Variants in EIF4G3 observed in about 807,000 individuals in gnomAD.
EIF4G3 encodes eukaryotic translation initiation factor 4 gamma 3.
Under a neutral mutation model 186.4 loss-of-function variants are expected in EIF4G3, and 34 were observed. The ratio of observed to expected loss-of-function variants is 0.18; its 90% CI spans 0.14 to 0.24. The LOEUF (loss-of-function observed/expected upper bound fraction) is 0.24. EIF4G3 is among the 10% of genes least tolerant of loss of function. EIF4G3 has a pLI of 1.00. For synonymous variants in EIF4G3, 673 were observed against 679.5 expected, an observed-to-expected ratio of 0.99 and a Z score of 0.15; for missense variants, 1,536 against 1,948.5, an observed-to-expected ratio of 0.79 and a Z score of 3.99.
chr1:20,838,685 CTTT>C (rs532593245), intron 30 of EIF4G3, among the ~76,000 whole-genome samples: 1 of 150,298 alleles, frequency 6.7e-6, no homozygotes, highest in Non-Finnish European at 1.5e-5. Flanking sequence ...TGAAAGAAAA[CTTT>C]TTTTTTTCCC....
chr1:20,839,866 A>T (rs192898388), intron 30 of EIF4G3, among the ~76,000 whole-genome samples: 2 of 126,884 alleles, frequency 1.6e-5, no homozygotes, highest in East Asian at 4.8e-4. Flanking sequence ...ATACAGTGGC[A>T]TTTAATCATA....
intron 3 of EIF4G3, among the ~76,000 whole-genome samples, chr1:21,082,621 G>A (rs141045378): frequency 2.4e-4 from 37 of 151,984 alleles, no homozygotes; most frequent in African/African-American, 8.7e-4. Context: ...AGGGGAAACC[G>A]GCAGGATGCA....
chr1:20,921,333 T>G (rs2094481930), intron 14 of EIF4G3, among the ~76,000 whole-genome samples: 1 of 152,220 alleles, frequency 6.6e-6, no homozygotes, highest in South Asian at 2.1e-4. Context: ...AAGGTAATTG[T>G]GCTATTGATG....
chr1:21,011,340 T>C (rs776764814), intron 4 of EIF4G3, among the ~76,000 whole-genome samples: 2 of 152,184 alleles, frequency 1.3e-5, no homozygotes, highest in African/African-American at 2.4e-5. Context: ...AATGTATCAC[T>C]TTTTAAGTTG....
At chr1:21,162,932 T>C (rs1334027657) in intron 2 of EIF4G3, among the ~76,000 whole-genome samples, 3 of 152,144 alleles carry the variant, frequency 2.0e-5, no homozygotes, top group Non-Finnish European at 2.9e-5. Context: ...ATGAACTTTA[T>C]GGTTAGGCAA....
At chr1:21,082,790 G>C (rs1274082515) in intron 3 of EIF4G3, among the ~76,000 whole-genome samples, 1 of 151,908 alleles carries the variant, frequency 6.6e-6, no homozygotes, top group Non-Finnish European at 1.5e-5. Flanking sequence ...TGTAATCCTA[G>C]CACTTTGGGA....
chr1:21,176,581 GCCGCCGCCGCCT>G (rs1277710024), intron 1 of EIF4G3, 129 bp downstream of exon 1: 16 of 161,432 alleles, frequency 9.9e-5, no homozygotes, highest in East Asian at 3.6e-4. Flanking sequence ...CGCCGCCGCC[GCCGCCGCCGCCT>G]CCGCCGCCGC....
intron 20 of EIF4G3, among the ~76,000 whole-genome samples, chr1:20,871,359 G>A (rs967165147): frequency 1.4e-4 from 21 of 152,078 alleles, no homozygotes; most frequent in Admixed American, 1.1e-3. Context: ...GTGCACTATA[G>A]AAAGCTCAGC....
intron 4 of EIF4G3, among the ~76,000 whole-genome samples, chr1:21,035,244 C>A (rs2154572242): frequency 6.6e-6 from 1 of 152,340 alleles, no homozygotes; most frequent in Middle Eastern, 3.4e-3. Context: ...GGCCACCATG[C>A]CACCTGCACC....
At chr1:21,152,091 T>C (rs1362490355) in intron 2 of EIF4G3, among the ~76,000 whole-genome samples, 1 of 152,176 alleles carries the variant, frequency 6.6e-6, no homozygotes, top group Admixed American at 6.5e-5. Context: ...GAAGAAGTTC[T>C]AAAGACTCCC....
chr1:21,006,319 G>T (rs12130664), intron 4 of EIF4G3, among the ~76,000 whole-genome samples: 51,711 of 152,002 alleles, frequency 0.34, 9,464 homozygotes, highest in Non-Finnish European at 0.41. Context: ...CATGTCAAAT[G>T]CACAGAAAAC....
At chr1:20,972,928 T>C (rs1450298639) in intron 11 of EIF4G3, 74 bp downstream of exon 11, 52 of 1,208,848 alleles carry the variant, frequency 4.3e-5, no homozygotes, top group East Asian at 2.6e-4. Context: ...AGATGAATAA[T>C]GACTACGTAA....
At chr1:20,941,408 G>T in intron 14 of EIF4G3, 83 bp downstream of exon 14, 1 of 1,610,216 alleles carries the variant, frequency 6.2e-7, no homozygotes, top group Non-Finnish European at 8.5e-7. Context: ...GGAAGTCAAG[G>T]AAAGTAGCCA....
At chr1:20,879,589 T>TA (rs2081743830) in intron 19 of EIF4G3, 69 bp from the exon 20 acceptor site, 1 of 970,568 alleles carries the variant, frequency 1.0e-6, no homozygotes, top group Admixed American at 3.1e-5. Flanking sequence ...CTGTAATGAT[T>TA]AATTTTAAAA....
At chr1:20,888,785 ATAAATT>A (rs1394210772) in intron 18 of EIF4G3, among the ~76,000 whole-genome samples, 1 of 152,244 alleles carries the variant, frequency 6.6e-6, no homozygotes, top group African/African-American at 2.4e-5. Flanking sequence ...AAACTGATAC[ATAAATT>A]TAAACATTTC....
intron 29 of EIF4G3, among the ~76,000 whole-genome samples, chr1:20,845,883 T>G (rs1284871902): frequency 6.6e-6 from 1 of 152,160 alleles, no homozygotes; most frequent in Non-Finnish European, 1.5e-5. Context: ...AATCTATAAA[T>G]TGCTTTGGGT....
chr1:21,109,184 C>T (rs2096671402), intron 2 of EIF4G3, among the ~76,000 whole-genome samples: 1 of 152,220 alleles, frequency 6.6e-6, no homozygotes, highest in Non-Finnish European at 1.5e-5. Context: ...CAGCACCGCA[C>T]TCCAGCCTGG....
At chr1:20,879,154 G>T (rs916806978) in intron 20 of EIF4G3, among the ~76,000 whole-genome samples, 169 bp downstream of exon 20, 1 of 152,088 alleles carries the variant, frequency 6.6e-6, no homozygotes, top group African/African-American at 2.4e-5. Flanking sequence ...GGGAGTATAC[G>T]TTTTAATAAA....
At chr1:20,807,907 C>A (rs747112175) in intron 36 of EIF4G3, among the ~76,000 whole-genome samples, 3 of 150,934 alleles carry the variant, frequency 2.0e-5, no homozygotes, top group Non-Finnish European at 4.4e-5. Flanking sequence ...GGATTATAGG[C>A]GCCTGCCTGG....
Sources: gnomAD v4.1 joint callset for allele counts (sites outside exome capture counted in the v4.1 genomes callset) on GRCh38, gnomAD v4.1.1 for gene constraint, MANE v1.5 for transcripts, NCBI Gene and HGNC (gene_info 2026-07-23, HGNC 2026-07-21) for gene names.